ARHGAP42: variants seen among roughly 807,000 people sequenced by gnomAD.
ARHGAP42 encodes rho GTPase-activating protein 42.
A neutral mutation model predicts 125.0 loss-of-function variants in ARHGAP42; 63 were observed. The observed-to-expected ratio is 0.50, with a 90% confidence interval of 0.41 to 0.62. ARHGAP42 has a LOEUF of 0.62. Ranked by LOEUF, ARHGAP42 falls within the 20% of genes least tolerant of loss-of-function variation. The probability of loss-of-function intolerance (pLI) is 0.00; values close to 1 mark genes in which losing one functional copy is unlikely to be tolerated. For missense variants in ARHGAP42, 766 were observed against 1,024.2 expected, an observed-to-expected ratio of 0.75 and a Z score of 3.44; for synonymous variants, 339 against 351.0, an observed-to-expected ratio of 0.97 and a Z score of 0.38.
chr11:100,872,188 A>C (rs1298229572), intron 4 of ARHGAP42, among the ~76,000 whole-genome samples: 2 of 152,176 alleles, frequency 1.3e-5, no homozygotes, highest in Non-Finnish European at 2.9e-5. Flanking sequence ...ATACTATAGC[A>C]TTTTTAAAAA....
chr11:100,755,929 G>A (rs902284150), intron 1 of ARHGAP42, among the ~76,000 whole-genome samples: 3 of 151,952 alleles, frequency 2.0e-5, no homozygotes, highest in Non-Finnish European at 4.4e-5. Context: ...TTGAGGTTAG[G>A]GATAATGCTT....
chr11:100,930,155 G>T (rs567245283), intron 6 of ARHGAP42, among the ~76,000 whole-genome samples: 1 of 152,136 alleles, frequency 6.6e-6, no homozygotes, highest in Admixed American at 6.5e-5. Flanking sequence ...TATTTTAAAG[G>T]TCAAATTTAC....
In ARHGAP42 at chr11:100,859,566, A is replaced by G; in HGVS notation, c.325A>G (p.Asn109Asp). Residue 109 changes from asparagine (N) to aspartate (D), a missense_variant, in exon 4 of 24, where the codon AAC (asparagine) becomes GAC (aspartate). Physicochemically the swap from Asn to Asp is conservative, Grantham distance 23 (BLOSUM62 1). Around this residue, in one of 3 missense-constraint regions of ARHGAP42, gnomAD observed 455 missense variants for 636.5 expected, o/e 0.71. Transcript: ENST00000298815. ...EERRRLIQNA[N>D]DVLIAPLEKF... is the part of the protein sequence containing the mutation. ...TTTTTTATTTCAGATCCAAAACGCT[A>G]ACGATGTATTAATTGCACCACTTGA... 2 of 1,523,232 alleles carry G rather than the reference A, an allele frequency of 1.3e-6. No individual in the cohort carries two copies. The highest frequency in any genetic ancestry group is 1.8e-6 in the Non-Finnish European group (2 of 1,136,564). The allele number at this position is 1,523,232 out of a possible 1,614,324, so 94.4% of individuals were successfully genotyped here.
intron 5 of ARHGAP42, among the ~76,000 whole-genome samples, chr11:100,921,031 C>T (rs1867226438): frequency 6.6e-6 from 1 of 151,218 alleles, no homozygotes; most frequent in African/African-American, 2.4e-5. Context: ...TCCTTCGTGC[C>T]TCTACTTTTT....
chr11:100,737,313 G>A (rs1463151964), intron 1 of ARHGAP42, among the ~76,000 whole-genome samples: 1 of 152,138 alleles, frequency 6.6e-6, no homozygotes, highest in East Asian at 1.9e-4. Flanking sequence ...ATCTCACTTA[G>A]GATTAGTATT....
At chr11:100,866,621 T>G (rs1287883575) in intron 4 of ARHGAP42, among the ~76,000 whole-genome samples, 2 of 152,088 alleles carry the variant, frequency 1.3e-5, no homozygotes, top group Non-Finnish European at 2.9e-5. Context: ...ATCACCTTCT[T>G]CACATTGCAG....
At chr11:100,876,624 A>G (rs1865829859) in intron 4 of ARHGAP42, among the ~76,000 whole-genome samples, 1 of 152,240 alleles carries the variant, frequency 6.6e-6, no homozygotes. Flanking sequence ...TGTGCAGATA[A>G]GTGAACTCAT....
intron 4 of ARHGAP42, among the ~76,000 whole-genome samples, chr11:100,877,440 T>C (rs1161124326): frequency 6.6e-6 from 1 of 152,244 alleles, no homozygotes; most frequent in Non-Finnish European, 1.5e-5. Flanking sequence ...TTACTCTGTA[T>C]ATTACACTTT....
intron 17 of ARHGAP42, among the ~76,000 whole-genome samples, chr11:100,966,022 A>G (rs143403957): frequency 1.3e-5 from 2 of 152,294 alleles, no homozygotes; most frequent in African/African-American, 4.8e-5. Flanking sequence ...ACTAATGATG[A>G]AACAATTAGA....
intron 14 of ARHGAP42, 113 bp from the exon 15 acceptor site, chr11:100,961,571 A>G: frequency 3.5e-6 from 3 of 864,400 alleles, no homozygotes; most frequent in South Asian, 1.8e-5. Flanking sequence ...TTGGCATTCT[A>G]AGAAATGAAT....
intron 1 of ARHGAP42, among the ~76,000 whole-genome samples, chr11:100,697,928 G>T (rs1480513531): frequency 6.6e-6 from 1 of 152,198 alleles, no homozygotes; most frequent in African/African-American, 2.4e-5. Context: ...TACATATTAT[G>T]GTTTTGGAAC....
chr11:100,810,231 T>G (rs1771344103), intron 3 of ARHGAP42, among the ~76,000 whole-genome samples: 1 of 152,120 alleles, frequency 6.6e-6, no homozygotes, highest in Admixed American at 6.5e-5. Flanking sequence ...AAAGGGGAAC[T>G]AAATAAACAG....
At chr11:100,975,456 T>C (rs966754019) in intron 19 of ARHGAP42, among the ~76,000 whole-genome samples, 1 of 152,202 alleles carries the variant, frequency 6.6e-6, no homozygotes, top group African/African-American at 2.4e-5. Flanking sequence ...TTTAGGAACA[T>C]TAGGAAATAA....
At chr11:100,941,618 C>A (rs200971462) in intron 8 of ARHGAP42, among the ~76,000 whole-genome samples, 166 bp from the exon 9 acceptor site, 1 of 2,468 alleles carries the variant, frequency 4.1e-4, no homozygotes, top group Non-Finnish European at 7.4e-4. Flanking sequence ...AGACACTCTA[C>A]CCTATACCGC....
chr11:100,871,289 T>C (rs1864442506), intron 4 of ARHGAP42, among the ~76,000 whole-genome samples: 1 of 151,924 alleles, frequency 6.6e-6, no homozygotes, highest in Non-Finnish European at 1.5e-5. Flanking sequence ...CTCGTACCTA[T>C]AATCCTAACC....
chr11:100,711,650 G>A (rs1232800031), intron 1 of ARHGAP42, among the ~76,000 whole-genome samples: 1 of 152,196 alleles, frequency 6.6e-6, no homozygotes, highest in Non-Finnish European at 1.5e-5. Flanking sequence ...GAGCCACTGT[G>A]CCCAGCCCCT....
chr11:100,782,917 T>C (rs761782184), intron 2 of ARHGAP42, among the ~76,000 whole-genome samples: 2 of 152,182 alleles, frequency 1.3e-5, no homozygotes, highest in Admixed American at 6.5e-5. Flanking sequence ...TTAAATAGTT[T>C]AAATCTTTAA....
At chr11:100,898,740 T>C (rs1430975695) in intron 4 of ARHGAP42, among the ~76,000 whole-genome samples, 1 of 152,178 alleles carries the variant, frequency 6.6e-6, no homozygotes, top group Non-Finnish European at 1.5e-5. Flanking sequence ...CCTTTCTTCT[T>C]TATTAGTCTT....
chr11:100,992,226 G>T lies in ARHGAP42; in HGVS notation c.*3425G>T. ...AGAACCCCAACTAGACTTATACTTT[G>T]ACTAAAGTCAGAGGCAGACCAATTT... On this transcript the variant is annotated 3_prime_UTR_variant, in exon 24 of 24. Transcript: ENST00000298815. The T allele has an allele frequency of 6.9e-7, 1 of 1,458,228 alleles. No individual in the cohort carries two copies. The highest frequency in any genetic ancestry group is 1.4e-5 in the South Asian group (1 of 71,368). 90.3% of individuals were successfully genotyped at this position (1,458,228 alleles called of 1,614,324 possible).
Sources: gnomAD v4.1 joint callset for allele counts (sites outside exome capture counted in the v4.1 genomes callset) on GRCh38, gnomAD v4.1.1 for gene constraint, gnomAD v4.1.1 regional missense constraint, MANE v1.5 for transcripts, NCBI Gene and HGNC (gene_info 2026-07-23, HGNC 2026-07-21) for gene names.